RORA: variants seen among roughly 807,000 people sequenced by gnomAD.
The protein encoded by RORA is RAR related orphan receptor A, also known as nuclear receptor ROR-alpha.
A neutral mutation model predicts 69.5 loss-of-function variants in RORA; 7 were observed. The observed-to-expected ratio is 0.10, with a 90% CI of 0.06 to 0.19. RORA has a LOEUF of 0.19. Among genes scored for constraint, RORA ranks in the 10% least tolerant of loss-of-function variants. The pLI, the probability that RORA is intolerant of heterozygous loss-of-function variation, is 1.00. For synonymous variants in RORA, 261 were observed against 240.8 expected (o/e 1.08, Z -0.78); for missense variants, 457 against 663.0 (o/e 0.69, Z 3.41).
In RORA at chr15:60,666,073, CACAT is replaced by C. The variant is rs113275397; in HGVS notation, c.196+12580_196+12583del. On this transcript the variant is annotated intron_variant, in intron 2 of 10. Transcript: ENST00000335670. ...TCATAAAATTGTGTATGTATACACA[CACAT>C]ACAGACACACTTATTTAAAATCTAC... 2.7e-4 allele frequency among the ~76,000 whole-genome samples: 41 copies of C among 152,118 alleles called. 2 individuals carry two copies. The highest frequency in any genetic ancestry group is 9.4e-4 in the African/African-American group (39 of 41,472).
At chr15:60,774,701 T>G (rs947435177) in intron 1 of RORA, among the ~76,000 whole-genome samples, 3 of 152,208 alleles carry the variant, frequency 2.0e-5, no homozygotes, top group Non-Finnish European at 4.4e-5. Flanking sequence ...CATTGGCCAC[T>G]GGTATTTCTG....
chr15:60,694,151 T>A (rs1351203974), intron 1 of RORA, among the ~76,000 whole-genome samples: 3 of 152,174 alleles, frequency 2.0e-5, no homozygotes, highest in Non-Finnish European at 4.4e-5. Context: ...TACTGTTGGA[T>A]CCATTTTGCA....
At chr15:60,553,374 G>C (rs2067275028) in intron 2 of RORA, among the ~76,000 whole-genome samples, 1 of 152,182 alleles carries the variant, frequency 6.6e-6, no homozygotes, top group Non-Finnish European at 1.5e-5. Context: ...CAAGGGTGTG[G>C]AGCCAGGCTT....
chr15:60,791,445 G>A (rs573353337), intron 1 of RORA, among the ~76,000 whole-genome samples: 1 of 152,352 alleles, frequency 6.6e-6, no homozygotes, highest in Non-Finnish European at 1.5e-5. Flanking sequence ...AAGGGAGTCT[G>A]TCCCCTGAAA....
At chr15:60,641,427 T>A (rs574402628) in intron 2 of RORA, among the ~76,000 whole-genome samples, 42 of 152,282 alleles carry the variant, frequency 2.8e-4, no homozygotes, top group African/African-American at 9.6e-4. Context: ...TCTTTTTTTT[T>A]AAGATGGAGT....
At chr15:60,857,109 C>A (rs924474527) in intron 1 of RORA, among the ~76,000 whole-genome samples, 2 of 152,104 alleles carry the variant, frequency 1.3e-5, no homozygotes, top group Non-Finnish European at 2.9e-5. Context: ...TAGTTGGCAC[C>A]TATAAGGACC....
rs1491564825 is a variant in RORA, at chr15:61,215,031, A to AGTTTTT, written c.166+14021_166+14022insAAAAAC. Reference sequence around the variant, plus strand: ...AGGCGCCCGCCACCACGCCCAGCTAATTTTTTTTTTTTTTTTTTTTTTTTT... The same window carrying AGTTTTT: ...AGGCGCCCGCCACCACGCCCAGCTAAGTTTTTTTTTTTTTTTTTTTTTTTTTTTTTT... On this transcript the variant is annotated intron_variant, in intron 1 of 10. Transcript: ENST00000335670. 6.4e-3 allele frequency among the ~76,000 whole-genome samples: 514 copies of AGTTTTT among 80,176 alleles called. 2 individuals carry two copies. Among genetic ancestry groups the AGTTTTT allele is most frequent in the Non-Finnish European group, 9.9e-3 (431 of 43,410 alleles). The allele number at this position is 80,176 out of a possible 152,430, so 52.6% of individuals were successfully genotyped here.
chr15:60,566,914 A>C (rs2067728592), intron 2 of RORA, among the ~76,000 whole-genome samples: 1 of 152,152 alleles, frequency 6.6e-6, no homozygotes, highest in Admixed American at 6.5e-5. Flanking sequence ...CCTAATCCTA[A>C]AGGGCCTTGA....
rs964812411 is a variant in RORA at position 61,213,511 on chromosome 15, G to A, written c.166+15542C>T. ...CTACTCCTCACCAGCATACTCTCAG[G>A]CCAAGCTACATCTCACTTATGTTAC... On this transcript the variant is annotated intron_variant, in intron 1 of 10. Transcript: ENST00000335670. The surrounding 1 kb of genome is among the most constrained non-coding windows in gnomAD (Gnocchi z 4.1). Among the ~76,000 whole-genome samples the A allele has an allele frequency of 6.6e-6, 1 of 152,048 alleles. No individual in the cohort carries two copies. The highest frequency in any genetic ancestry group is 2.4e-5 in the African/African-American group (1 of 41,376).
At chr15:60,814,172 C>T (rs1320796900) in intron 1 of RORA, among the ~76,000 whole-genome samples, 9 of 152,152 alleles carry the variant, frequency 5.9e-5, no homozygotes, top group Non-Finnish European at 1.3e-4. Flanking sequence ...CATGCCCTTA[C>T]TCAGGCTGTT....
chr15:60,576,594 TTTAA>T (rs2068032681), intron 2 of RORA, among the ~76,000 whole-genome samples: 2 of 152,224 alleles, frequency 1.3e-5, no homozygotes, highest in Admixed American at 1.3e-4. Flanking sequence ...CTTTCACATA[TTTAA>T]TTAGTGTAAT....
chr15:60,890,009 T>C (rs1196398087), intron 1 of RORA, among the ~76,000 whole-genome samples: 1 of 152,210 alleles, frequency 6.6e-6, no homozygotes, highest in Non-Finnish European at 1.5e-5. Context: ...ATCATACATG[T>C]ATTCATGTAC....
intron 1 of RORA, among the ~76,000 whole-genome samples, chr15:61,106,712 C>T (rs1281811881): frequency 1.3e-5 from 2 of 152,222 alleles, no homozygotes; most frequent in Non-Finnish European, 2.9e-5. Context: ...TCTCTACTTG[C>T]ATAACTCTCA....
chr15:60,627,941 G>C (rs1275845260), intron 2 of RORA, among the ~76,000 whole-genome samples: 1 of 152,156 alleles, frequency 6.6e-6, no homozygotes, highest in East Asian at 1.9e-4. Flanking sequence ...CTTATAGAGA[G>C]CAGGGAACAT....
At chr15:61,092,795 A>G (rs2078727174) in intron 1 of RORA, among the ~76,000 whole-genome samples, 1 of 152,194 alleles carries the variant, frequency 6.6e-6, no homozygotes, top group South Asian at 2.1e-4. Context: ...AGTCCTAACC[A>G]CAGTCAAAAC....
intron 1 of RORA, among the ~76,000 whole-genome samples, chr15:60,943,156 G>C (rs1424548894): frequency 1.3e-5 from 2 of 152,150 alleles, no homozygotes; most frequent in Non-Finnish European, 2.9e-5. Flanking sequence ...TTTGAGACTT[G>C]GCCCTTCAAC....
intron 1 of RORA, among the ~76,000 whole-genome samples, chr15:61,108,574 T>C (rs2140774527): frequency 6.6e-6 from 1 of 152,356 alleles, no homozygotes; most frequent in South Asian, 2.1e-4. Flanking sequence ...CTGCAAATCC[T>C]AAAACATTTA....
chr15:60,954,821 C>G (rs1396975517), intron 1 of RORA, among the ~76,000 whole-genome samples: 1 of 152,172 alleles, frequency 6.6e-6, no homozygotes, highest in Admixed American at 6.5e-5. Context: ...CCTCATTCAG[C>G]TCTCATTACA....
chr15:60,783,175 G>T (rs1388758782), intron 1 of RORA, among the ~76,000 whole-genome samples: 7 of 152,086 alleles, frequency 4.6e-5, no homozygotes, highest in African/African-American at 1.4e-4. Flanking sequence ...CAAATACAAA[G>T]GGGGTGCATG....
Sources: gnomAD v4.1 joint callset for allele counts (sites outside exome capture counted in the v4.1 genomes callset) on GRCh38, gnomAD v4.1.1 for gene constraint, Gnocchi (gnomAD v3.1) non-coding constraint, MANE v1.5 for transcripts, NCBI Gene and HGNC (gene_info 2026-07-23, HGNC 2026-07-21) for gene names.